Variants in SCIN observed in about 807,000 individuals in gnomAD.
SCIN encodes adseverin.
In SCIN, 91 loss-of-function variants were observed where a neutral mutation model predicts 91.8. The observed-to-expected ratio is 0.99, with a 90% CI of 0.84 to 1.18. SCIN has a LOEUF of 1.18. Among genes scored for constraint, SCIN ranks in the 50% most tolerant of loss-of-function variants. The probability of loss-of-function intolerance (pLI) is 0.00; values close to 1 mark genes in which losing one functional copy is unlikely to be tolerated. For synonymous variants in SCIN, 367 were observed against 312.6 expected, an observed-to-expected ratio of 1.17 and a Z score of -1.84; for missense variants, 1,087 against 863.9, an observed-to-expected ratio of 1.26 and a Z score of -3.24.
At chr7:12,634,869 C>A (rs1475554392) in intron 9 of SCIN, among the ~76,000 whole-genome samples, 1 of 152,062 alleles carries the variant, frequency 6.6e-6, no homozygotes, top group African/African-American at 2.4e-5. Context: ...GGAAGTTTAG[C>A]CTCTTGTATA....
At chr7:12,640,640 C>CAT in intron 11 of SCIN, 123 bp downstream of exon 11, 2 of 872,372 alleles carry the variant, frequency 2.3e-6, no homozygotes, top group Non-Finnish European at 3.1e-6. Flanking sequence ...ATAATTAATC[C>CAT]ACTGTTCAAA....
chr7:12,574,649 G>C (rs542625588), intron 1 of SCIN, among the ~76,000 whole-genome samples: 1 of 152,210 alleles, frequency 6.6e-6, no homozygotes, highest in African/African-American at 2.4e-5. Context: ...AAGCTATACT[G>C]TAATTTTACA....
At position 12,570,758 on chromosome 7, in the gene SCIN, C is replaced by G; in HGVS notation, c.-29C>G. The G allele has an allele frequency of 1.9e-6, 3 of 1,544,518 alleles. No homozygotes were observed. Among genetic ancestry groups the G allele is most frequent in the South Asian group, 2.4e-5 (2 of 83,484 alleles). On this transcript the variant is annotated 5_prime_UTR_variant, in exon 1 of 16. Transcript: ENST00000297029. ...TTAGTCCAAGATCAGCGATATCACG[C>G]GTCCCCCGGAGCATCGCGTGCAGGA...
At chr7:12,580,624 G>A (rs1195805455) in intron 2 of SCIN, among the ~76,000 whole-genome samples, 1 of 152,104 alleles carries the variant, frequency 6.6e-6, no homozygotes, top group Admixed American at 6.5e-5. Flanking sequence ...GAACTTTTGG[G>A]TGCCTTCTTC....
rs375869092 is a variant in SCIN at position 12,629,108 on chromosome 7, G to T, written c.1205G>T (p.Arg402Leu). The part of the protein sequence containing the change: ...DDGSGKVEIW[R>L]VENNGRIQVD... Reference sequence around the variant, plus strand: ...ATATTCCATTCCTTCCAGATTTGGCGTGTAGAAAACAATGGTAGGATCCAA... The same window carrying T: ...ATATTCCATTCCTTCCAGATTTGGCTTGTAGAAAACAATGGTAGGATCCAA... Residue 402 changes from arginine to leucine, a missense_variant, in exon 9 of 16, where the codon CGT becomes CTT. By Grantham distance (102) the Arg-to-Leu change is moderately radical. Coordinates refer to ENST00000297029, the MANE Select transcript of SCIN (RefSeq NM_001112706.3). 1.2e-6 allele frequency: 2 copies of T among 1,610,992 alleles called. No homozygotes were observed. Among genetic ancestry groups the T allele is most frequent in the African/African-American group, 1.3e-5 (1 of 74,924 alleles).
Position 12,631,685 on chromosome 7 carries a change from C to T in SCIN, c.1319+2463C>T, listed in dbSNP as rs192700074. ...CAGAGTCTTTGCCAGCAAGAAAACC[C>T]TCACCAGATGTGATCTCTTGACTTT... On this transcript the variant is annotated intron_variant, in intron 9 of 15. Coordinates refer to ENST00000297029, the MANE Select transcript of SCIN (RefSeq NM_001112706.3). Among the ~76,000 whole-genome samples, 111 of 152,288 alleles carry T rather than the reference C, an allele frequency of 7.3e-4. 1 individual carries two copies. The highest frequency in any genetic ancestry group is 2.5e-3 in the African/African-American group (103 of 41,556).
At chr7:12,596,396 C>A (rs1299493922) in intron 3 of SCIN, 2 of 454,996 alleles carry the variant, frequency 4.4e-6, no homozygotes, top group African/African-American at 2.0e-5. Flanking sequence ...AAATGGCCTC[C>A]CTGATGTCTG....
At chr7:12,580,537 A>G (rs187984304) in intron 2 of SCIN, among the ~76,000 whole-genome samples, 134 of 152,334 alleles carry the variant, frequency 8.8e-4, no homozygotes, top group Non-Finnish European at 8.7e-4. Flanking sequence ...AAATGTAAAA[A>G]CAAGGACCAT....
intron 4 of SCIN, among the ~76,000 whole-genome samples, chr7:12,616,494 G>C (rs1271429456): frequency 1.3e-5 from 2 of 152,064 alleles, no homozygotes; most frequent in Non-Finnish European, 2.9e-5. Flanking sequence ...CATAATGTGA[G>C]AAATAAATTT....
At chr7:12,622,169 CT>C (rs113252762) in intron 4 of SCIN, among the ~76,000 whole-genome samples, 1,721 of 151,960 alleles carry the variant, frequency 0.011, 36 homozygotes, top group African/African-American at 0.039. Flanking sequence ...CTACCAAACA[CT>C]TTTTTGGACT....
chr7:12,620,230 C>G (rs1307017764), intron 4 of SCIN, among the ~76,000 whole-genome samples: 8 of 152,156 alleles, frequency 5.3e-5, no homozygotes, highest in East Asian at 3.9e-4. Flanking sequence ...TATCTTCTCT[C>G]TTAGCAAATT....
rs1562642496 is a variant in SCIN at position 12,657,574 on chromosome 7, T to TATA, written c.*4859_*4860insATA. On this transcript the variant is annotated 3_prime_UTR_variant, in exon 16 of 16. Transcript: ENST00000297029. The stretch of plus-strand genomic sequence containing the variant: ...TATATATATATATATATATATATAT[T>TATA]TTTTTTTTTTTTTTTTTTTTTTTTG... 2.5e-4 allele frequency: 5 copies of TATA among 20,270 alleles called. No homozygotes were observed. Among genetic ancestry groups the TATA allele is most frequent in the Admixed American group, 7.3e-4 (1 of 1,378 alleles). The allele number at this position is 20,270 out of a possible 1,614,324, so 1.3% of individuals were successfully genotyped here.
At chr7:12,586,322 T>G (rs1310228612) in intron 3 of SCIN, among the ~76,000 whole-genome samples, 2 of 152,064 alleles carry the variant, frequency 1.3e-5, no homozygotes, top group South Asian at 4.1e-4. Flanking sequence ...AATAAGTAAA[T>G]GAAAAAATGC....
chr7:12,596,686 CT>C (rs5882367), intron 3 of SCIN, among the ~76,000 whole-genome samples: 122,536 of 145,804 alleles, frequency 0.84, 51,543 homozygotes, highest in East Asian at 0.99. Context: ...TGACTGTAAG[CT>C]TTTTTTTTTT....
intron 10 of SCIN, among the ~76,000 whole-genome samples, chr7:12,639,510 C>T (rs185949287): frequency 5.5e-4 from 83 of 152,174 alleles, no homozygotes; most frequent in African/African-American, 2.0e-3. Flanking sequence ...CAGGGCAGAA[C>T]AAATGAAAAC....
intron 9 of SCIN, 67 bp downstream of exon 9, chr7:12,629,289 C>G: frequency 2.1e-6 from 3 of 1,456,780 alleles, no homozygotes; most frequent in Non-Finnish European, 2.8e-6. Context: ...GTATTAAATT[C>G]TATGCATTAT....
Position 12,578,259 on chromosome 7 carries a change from C to T in SCIN, c.354+41C>T, listed in dbSNP as rs779039538. The stretch of plus-strand genomic sequence containing the variant: ...AGTTTCCATTATGAATCCCTTTCTC[C>T]TCTTGTCCATCCATACCTCCTGTCT... On this transcript the variant is annotated intron_variant, in intron 2 of 15. Coordinates refer to ENST00000297029, the MANE Select transcript of SCIN (RefSeq NM_001112706.3). 1.9e-5 allele frequency: 29 copies of T among 1,509,612 alleles called. No homozygotes were observed. In the Middle Eastern group the frequency reaches 8.4e-4, roughly 44 times the overall value. The allele number at this position is 1,509,612 out of a possible 1,614,324, so 93.5% of individuals were successfully genotyped here.
chr7:12,629,353 G>A, intron 9 of SCIN, 131 bp downstream of exon 9: 1 of 833,452 alleles, frequency 1.2e-6, no homozygotes, highest in South Asian at 3.1e-5. Flanking sequence ...CATGCATATA[G>A]TATTTTCTTT....
At chr7:12,621,130 G>A (rs561594393) in intron 4 of SCIN, among the ~76,000 whole-genome samples, 19 of 152,202 alleles carry the variant, frequency 1.2e-4, no homozygotes, top group Admixed American at 9.8e-4. Flanking sequence ...AACATATTTA[G>A]TTATGTTGCT....
Sources: gnomAD v4.1 joint callset for allele counts (sites outside exome capture counted in the v4.1 genomes callset) on GRCh38, gnomAD v4.1.1 for gene constraint, MANE v1.5 for transcripts, NCBI Gene and HGNC (gene_info 2026-07-23, HGNC 2026-07-21) for gene names.